Variants in RASIP1 observed in about 807,000 individuals in gnomAD.
RASIP1 encodes ras-interacting protein 1.
Under a neutral mutation model 85.3 loss-of-function variants are expected in RASIP1, and 20 were observed. The ratio of observed to expected loss-of-function variants is 0.23; its 90% CI spans 0.17 to 0.34. The LOEUF (loss-of-function observed/expected upper bound fraction) is 0.34. Among genes scored for constraint, RASIP1 ranks in the 10% least tolerant of loss-of-function variants. RASIP1 has a pLI of 1.00. For synonymous variants in RASIP1, 617 were observed against 647.1 expected, an observed-to-expected ratio of 0.95 and a Z score of 0.71; for missense variants, 1,170 against 1,390.9, an observed-to-expected ratio of 0.84 and a Z score of 2.53.
In RASIP1 at chr19:48,720,722, C is replaced by T. The variant is rs1360006953; in HGVS notation, c.*76G>A. The stretch of plus-strand genomic sequence containing the variant: ...GATAAGAACTACAACTCCCAGAAAG[C>T]TTTGCGCTCAGGCGGGCTCCTGTCC... On this transcript the variant is annotated 3_prime_UTR_variant, in exon 12 of 12. Transcript: ENST00000222145. 1 of 1,495,246 alleles carries T rather than the reference C, an allele frequency of 6.7e-7. No homozygotes were observed. The highest frequency in any genetic ancestry group is 2.3e-5 in the East Asian group (1 of 44,222). 92.6% of individuals were successfully genotyped at this position (1,495,246 alleles called of 1,614,324 possible). A position where few individuals can be genotyped will look rare whatever the true frequency, so the allele number is the denominator to read the frequency against.
chr19:48,723,473 T>C (rs1383243634), intron 10 of RASIP1, among the ~76,000 whole-genome samples: 1 of 146,822 alleles, frequency 6.8e-6, no homozygotes, highest in African/African-American at 2.5e-5. Context: ...GGCAGGAGAA[T>C]CGCTTGAACT....
At chr19:48,735,594 A>G (rs1455422591) in intron 3 of RASIP1, 43 bp from the exon 4 acceptor site, 1 of 1,467,270 alleles carries the variant, frequency 6.8e-7, no homozygotes, top group Non-Finnish European at 9.0e-7. Context: ...CTGGAAAGAC[A>G]GGGATAGACA....
intron 5 of RASIP1, among the ~76,000 whole-genome samples, chr19:48,728,414 C>G (rs534136278): frequency 6.6e-6 from 1 of 152,266 alleles, no homozygotes; most frequent in African/African-American, 2.4e-5. Flanking sequence ...GTTTGGGCTT[C>G]CCTCTAAGTG....
rs562473241 is a variant in RASIP1 at position 48,720,809 on chromosome 19, T to C, written c.2881A>G (p.Thr961Ala). 1.2e-5 allele frequency: 19 copies of C among 1,613,962 alleles called. No homozygotes were observed. Among genetic ancestry groups the C allele is most frequent in the Non-Finnish European group, 1.4e-5 (17 of 1,180,024 alleles). Residue 961 changes from threonine to alanine, a missense_variant, in exon 12 of 12, where the codon ACG (threonine) becomes GCG (alanine). By Grantham distance (58) the Thr-to-Ala change is moderately conservative. Transcript: ENST00000222145. Reference sequence around the variant, plus strand: ...TTTGGTATTGGTTCTCAAGGAGACGTGGCCACGGGAGGCCCATGGCGATAA... The same window carrying C: ...TTTGGTATTGGTTCTCAAGGAGACGCGGCCACGGGAGGCCCATGGCGATAA... ...ANYRHGPPVA[T>A]SP
chr19:48,721,142 A>G, intron 11 of RASIP1, 145 bp from the exon 12 acceptor site: 1 of 662,414 alleles, frequency 1.5e-6, no homozygotes, highest in Non-Finnish European at 2.5e-6. Flanking sequence ...TTCACACGCT[A>G]CTCTAGGAGC....
In RASIP1 at chr19:48,724,583, C is replaced by T. The variant is rs1041809014; in HGVS notation, c.2372-74G>A. ...CTCCTGCCTCCCAGACTCTTCCTAT[C>T]CTTCAGCCTGGGATCTGGAGCTTGT... On this transcript the variant is annotated intron_variant, in intron 9 of 11. Coordinates refer to ENST00000222145, the MANE Select transcript of RASIP1 (RefSeq NM_017805.3). The surrounding 1 kb of genome is among the most constrained non-coding windows in gnomAD (Gnocchi z 4.6). 6.3e-6 allele frequency: 10 copies of T among 1,576,240 alleles called. No individual in the cohort carries two copies. In the East Asian group the frequency reaches 2.2e-4, roughly 35 times the overall value.
intron 8 of RASIP1, 115 bp downstream of exon 8, chr19:48,726,670 C>T: frequency 2.5e-6 from 2 of 813,804 alleles, no homozygotes; most frequent in Non-Finnish European, 3.8e-6. Flanking sequence ...ATAGTGACAT[C>T]AGAGCCACAC....
Position 48,735,454 on chromosome 19 carries a change from C to A in RASIP1, c.921G>T (p.Gly307=), listed in dbSNP as rs1279386137. ...LASPGPGTGS[G]APAGSGGKER... ...CCTTGCCTCCAGACCCAGCTGGGGCCCCTGATCCGGTCCCCGGGCCAGGAC... is the reference window on the plus strand; with the variant it reads ...CCTTGCCTCCAGACCCAGCTGGGGCACCTGATCCGGTCCCCGGGCCAGGAC... The change falls in exon 4 of 12, where the codon GGG becomes GGT. Residue 307 remains glycine, a synonymous_variant. Coordinates refer to ENST00000222145, the MANE Select transcript of RASIP1 (RefSeq NM_017805.3). 6.3e-7 allele frequency: 1 copy of A among 1,593,036 alleles called. No homozygotes were observed. Among genetic ancestry groups the A allele is most frequent in the Non-Finnish European group, 8.5e-7 (1 of 1,170,338 alleles).
intron 8 of RASIP1, chr19:48,725,269 G>C (rs1198420117): frequency 3.8e-6 from 1 of 259,748 alleles, no homozygotes; most frequent in African/African-American, 2.2e-5. Context: ...TATTCATCCT[G>C]AATTCCCAAA....
chr19:48,727,944 TC>T (rs1449230257), intron 5 of RASIP1, among the ~76,000 whole-genome samples: 2 of 152,272 alleles, frequency 1.3e-5, no homozygotes, highest in Non-Finnish European at 2.9e-5. Context: ...CGCCTCGGCC[TC>T]CCAAAGTGCC....
At position 48,720,781 on chromosome 19, in the gene RASIP1, T is replaced by C; in HGVS notation, c.*17A>G. The stretch of plus-strand genomic sequence containing the variant: ...CCGTGACATTTCAAGGTTCGCGCGC[T>C]CGTTTGGTATTGGTTCTCAAGGAGA... On this transcript the variant is annotated 3_prime_UTR_variant, in exon 12 of 12. Transcript: ENST00000222145. 2 of 1,612,720 alleles carry C rather than the reference T, an allele frequency of 1.2e-6. No individual in the cohort carries two copies. Among genetic ancestry groups the C allele is most frequent in the Non-Finnish European group, 1.7e-6 (2 of 1,179,066 alleles).
intron 3 of RASIP1, 143 bp from the exon 4 acceptor site, chr19:48,735,694 C>T (rs1568482391): frequency 1.2e-6 from 1 of 800,376 alleles, no homozygotes; most frequent in Non-Finnish European, 1.9e-6. Flanking sequence ...ATATTCTGTT[C>T]CCTGTGCGTG....
At chr19:48,721,238 T>G (rs1325417436) in intron 11 of RASIP1, among the ~76,000 whole-genome samples, 2 of 151,684 alleles carry the variant, frequency 1.3e-5, no homozygotes, top group Non-Finnish European at 2.9e-5. Context: ...GAGAAAGGGC[T>G]GGGAACTTGC....
chr19:48,726,913 G>A (rs781388179), intron 7 of RASIP1, 25 bp from the exon 8 acceptor site: 39 of 1,610,268 alleles, frequency 2.4e-5, no homozygotes, highest in Non-Finnish European at 3.1e-5. Context: ...GGGGTTAAGA[G>A]GGAGAACCAG....
At chr19:48,721,151 G>GC (rs1392546840) in intron 11 of RASIP1, among the ~76,000 whole-genome samples, 154 bp from the exon 12 acceptor site, 1 of 152,186 alleles carries the variant, frequency 6.6e-6, no homozygotes, top group African/African-American at 2.4e-5. Context: ...TACTCTAGGA[G>GC]CCCCTGGGCA....
At chr19:48,736,929 C>T (rs933484961) in intron 3 of RASIP1, among the ~76,000 whole-genome samples, 7 of 152,094 alleles carry the variant, frequency 4.6e-5, no homozygotes, top group South Asian at 4.2e-4. Flanking sequence ...CCCAGCTATT[C>T]GGGAGGCTGA....
chr19:48,738,885 C>CCG lies in RASIP1; in HGVS notation c.823+73_823+74dup. 2 of 1,133,208 alleles carry CCG rather than the reference C, an allele frequency of 1.8e-6. No homozygotes were observed. Among genetic ancestry groups the CCG allele is most frequent in the Non-Finnish European group, 1.1e-6 (1 of 916,030 alleles). The allele number at this position is 1,133,208 out of a possible 1,614,324, so 70.2% of individuals were successfully genotyped here. On this transcript the variant is annotated intron_variant, in intron 3 of 11. Coordinates refer to ENST00000222145, the MANE Select transcript of RASIP1 (RefSeq NM_017805.3). This position sits in a 1 kb window ranked among gnomAD's most constrained non-coding sequence, Gnocchi z 4.0. ...AGCCAGCCCGCGAGTCCCACAAGCC[C>CCG]CGCCCAGGCCCCGCCCCACGGACCC... is the stretch of plus-strand genomic sequence containing the variant.
chr19:48,726,074 G>A (rs1028595451), intron 8 of RASIP1, among the ~76,000 whole-genome samples: 13 of 151,136 alleles, frequency 8.6e-5, no homozygotes, highest in Non-Finnish European at 1.8e-4. Context: ...TTGCAGGCAC[G>A]CGCTACCATA....
chr19:48,728,849 C>G, intron 5 of RASIP1, 88 bp downstream of exon 5: 2 of 1,303,430 alleles, frequency 1.5e-6, no homozygotes. Context: ...TCCAGCCCAG[C>G]TATGAAAAGG....
Sources: gnomAD v4.1 joint callset for allele counts (sites outside exome capture counted in the v4.1 genomes callset) on GRCh38, gnomAD v4.1.1 for gene constraint, Gnocchi (gnomAD v3.1) non-coding constraint, MANE v1.5 for transcripts, NCBI Gene and HGNC (gene_info 2026-07-23, HGNC 2026-07-21) for gene names.